The following FAT3 variants were observed in gnomAD, a reference collection of about 807,000 sequenced individuals.
FAT3 encodes the protein protocadherin Fat 3.
FAT3 carries 95 observed loss-of-function variants against 310.2 expected under a neutral mutation model. The ratio of observed to expected loss-of-function variants is 0.31; its 90% CI spans 0.26 to 0.36. The LOEUF is 0.36. Ranked by LOEUF, FAT3 falls within the 10% of genes least tolerant of loss-of-function variation. FAT3 has a pLI of 1.00. For missense variants in FAT3, 5,408 were observed against 5,715.6 expected, an observed-to-expected ratio of 0.95 and a Z score of 1.74; for synonymous variants, 2,314 against 2,192.9, an observed-to-expected ratio of 1.06 and a Z score of -1.54.
chr11:92,333,907 G>T (rs979742646), intron 1 of FAT3, among the ~76,000 whole-genome samples: 4 of 151,602 alleles, frequency 2.6e-5, no homozygotes, highest in Non-Finnish European at 5.9e-5. Context: ...CCCAACAAAA[G>T]CTAAAAGGGA....
intron 3 of FAT3, among the ~76,000 whole-genome samples, chr11:92,642,233 A>G (rs774928002): frequency 2.6e-5 from 4 of 152,182 alleles, no homozygotes; most frequent in Non-Finnish European, 4.4e-5. Context: ...CTCTTTTCCC[A>G]TCTTCACCCT....
rs542992482 is a variant in FAT3 at position 92,665,263 on chromosome 11, C to T, written c.3608-32121C>T. On this transcript the variant is annotated intron_variant, in intron 3 of 27. Coordinates refer to ENST00000525166, the MANE Select transcript of FAT3 (RefSeq NM_001367949.2). ...GTTATCTGACCTCAGTTCGTCTCTG[C>T]TGTGCACTTGCCAGAGACGAACGGT... 6.6e-5 allele frequency among the ~76,000 whole-genome samples: 10 copies of T among 152,276 alleles called. No individual in the cohort carries two copies. In the East Asian group the frequency reaches 1.5e-3, roughly 24 times the overall value.
rs1000363493 is a variant in FAT3 at position 92,336,441 on chromosome 11, A to G, written c.-17-15655A>G. ...GAGGTGGGTGGCCAAGAGCCTTTGCATCACCACTGCCGCCAAAAGACTGGG... is the reference window on the plus strand; with the variant it reads ...GAGGTGGGTGGCCAAGAGCCTTTGCGTCACCACTGCCGCCAAAAGACTGGG... On this transcript the variant is annotated intron_variant, in intron 1 of 27. Transcript: ENST00000525166. 2.5e-5 allele frequency: 8 copies of G among 319,522 alleles called. No homozygotes were observed. The Admixed American group carries it at 3.4e-4, about 14-fold the overall frequency. 19.8% of individuals were successfully genotyped at this position (319,522 alleles called of 1,614,324 possible).
intron 2 of FAT3, among the ~76,000 whole-genome samples, chr11:92,523,423 T>C (rs1008156746): frequency 6.6e-6 from 1 of 152,208 alleles, no homozygotes; most frequent in Non-Finnish European, 1.5e-5. Context: ...CCTTTAAATA[T>C]TTTATCTGTC....
chr11:92,804,728 C>A (rs1947454844), intron 10 of FAT3, among the ~76,000 whole-genome samples: 1 of 152,204 alleles, frequency 6.6e-6, no homozygotes, highest in African/African-American at 2.4e-5. Context: ...ATAGAACTAA[C>A]TGCCTTTCCT....
intron 3 of FAT3, among the ~76,000 whole-genome samples, chr11:92,616,723 C>T (rs1346275995): frequency 1.3e-5 from 2 of 152,138 alleles, no homozygotes; most frequent in Non-Finnish European, 2.9e-5. Flanking sequence ...TTTTATTTCT[C>T]CTTCACTTGT....
intron 2 of FAT3, among the ~76,000 whole-genome samples, chr11:92,359,652 C>T (rs1338731986): frequency 2.1e-5 from 3 of 140,872 alleles, no homozygotes; most frequent in Non-Finnish European, 4.6e-5. Flanking sequence ...ACCACAGTCC[C>T]CAGAGTGTGA....
chr11:92,397,607 G>A (rs1203402762), intron 2 of FAT3, among the ~76,000 whole-genome samples: 1 of 152,072 alleles, frequency 6.6e-6, no homozygotes, highest in South Asian at 2.1e-4. Flanking sequence ...TGGACTCATA[G>A]CAAGTCTCAC....
At chr11:92,665,837 G>A (rs558945479) in intron 3 of FAT3, among the ~76,000 whole-genome samples, 7 of 152,236 alleles carry the variant, frequency 4.6e-5, no homozygotes, top group South Asian at 4.2e-4. Flanking sequence ...GAAAGATACC[G>A]GTTCCTCTAA....
At chr11:92,617,992 C>T (rs1282630942) in intron 3 of FAT3, among the ~76,000 whole-genome samples, 1 of 152,298 alleles carries the variant, frequency 6.6e-6, no homozygotes, top group East Asian at 1.9e-4. Flanking sequence ...CTGGGAGAAC[C>T]ACTACTCTCT....
chr11:92,705,560 ATGGTGG>A (rs1344315992), intron 4 of FAT3, among the ~76,000 whole-genome samples: 8 of 72,878 alleles, frequency 1.1e-4, no homozygotes, highest in Admixed American at 1.7e-4. Flanking sequence ...TGGTGGTGTG[ATGGTGG>A]TGGTGGTGGT....
intron 4 of FAT3, among the ~76,000 whole-genome samples, chr11:92,747,373 C>T (rs1291647412): frequency 2.6e-5 from 4 of 152,338 alleles, no homozygotes; most frequent in South Asian, 2.1e-4. Context: ...GGCACTGAAG[C>T]GGTTGGGATG....
At chr11:92,533,089 A>AGTAG (rs1954135226) in intron 3 of FAT3, among the ~76,000 whole-genome samples, 1 of 152,172 alleles carries the variant, frequency 6.6e-6, no homozygotes, top group Admixed American at 6.5e-5. Flanking sequence ...GCTGGAGTGC[A>AGTAG]GTAGCATGAT....
rs114565991 is a variant in FAT3, at chr11:92,284,143, C to T, written c.-18+58969C>T. Among the ~76,000 whole-genome samples the T allele has an allele frequency of 2.0e-3, 309 of 151,698 alleles. 3 individuals carry two copies. Among genetic ancestry groups the T allele is most frequent in the African/African-American group, 6.5e-3 (268 of 41,382 alleles). On this transcript the variant is annotated intron_variant, in intron 1 of 27. Coordinates refer to ENST00000525166, the MANE Select transcript of FAT3 (RefSeq NM_001367949.2). ...AAGCTAGGTGCAGAATAAAGTGCAC[C>T]TTTATTCAGATGAAGGTGGTATAGG...
intron 4 of FAT3, among the ~76,000 whole-genome samples, chr11:92,736,044 C>G (rs1160543840): frequency 6.6e-6 from 1 of 152,110 alleles, no homozygotes; most frequent in Admixed American, 6.6e-5. Context: ...GATCCAGAAG[C>G]AATGTTTTTC....
At chr11:92,806,663 G>C (rs889844893) in intron 12 of FAT3, 148 bp downstream of exon 12, 2 of 662,240 alleles carry the variant, frequency 3.0e-6, no homozygotes, top group Non-Finnish European at 4.9e-6. Flanking sequence ...CTTTCTGAAT[G>C]TTTGCTGAAA....
intron 3 of FAT3, among the ~76,000 whole-genome samples, chr11:92,594,199 T>G (rs1939586388): frequency 6.6e-6 from 1 of 152,140 alleles, no homozygotes. Context: ...TCCCAGTACT[T>G]TGGGAGGCCG....
At chr11:92,537,110 C>T (rs1954285248) in intron 3 of FAT3, among the ~76,000 whole-genome samples, 1 of 152,124 alleles carries the variant, frequency 6.6e-6, no homozygotes, top group Admixed American at 6.6e-5. Context: ...TTATAATGGC[C>T]TTTCATACAT....
intron 1 of FAT3, among the ~76,000 whole-genome samples, chr11:92,246,959 T>A (rs1409878804): frequency 1.3e-5 from 2 of 152,080 alleles, no homozygotes; most frequent in African/African-American, 4.8e-5. Context: ...GAAATGAAAC[T>A]AAGACTGATA....
Sources: gnomAD v4.1 joint callset for allele counts (sites outside exome capture counted in the v4.1 genomes callset) on GRCh38, gnomAD v4.1.1 for gene constraint, MANE v1.5 for transcripts, NCBI Gene and HGNC (gene_info 2026-07-23, HGNC 2026-07-21) for gene names.